The following SBK2 variants were observed in gnomAD, a reference collection of about 807,000 sequenced individuals.
SBK2 encodes the protein serine/threonine-protein kinase SBK2.
SBK2 carries 18 observed loss-of-function variants against 15.9 expected under a neutral mutation model. The ratio of observed to expected loss-of-function variants is 1.13; its 90% CI spans 0.78 to 1.68. The LOEUF is 1.68. Ranked by LOEUF, SBK2 falls within the 40% of genes most tolerant of loss-of-function variation. The pLI, the probability that SBK2 is intolerant of heterozygous loss-of-function variation, is 0.00. For missense variants in SBK2, 581 were observed against 510.9 expected (o/e 1.14, Z -1.32); for synonymous variants, 284 against 246.8 (o/e 1.15, Z -1.41).
Position 55,529,928 on chromosome 19 carries a change from GC to G in SBK2, c.851del (p.Gly284AlafsTer35). 1 of 1,529,958 alleles carries G rather than the reference GC, an allele frequency of 6.5e-7. No individual in the cohort carries two copies. Among genetic ancestry groups the G allele is most frequent in the Non-Finnish European group, 8.8e-7 (1 of 1,141,716 alleles). The allele number at this position is 1,529,958 out of a possible 1,614,324, so 94.8% of individuals were successfully genotyped here. A position where few individuals can be genotyped will look rare whatever the true frequency, so the allele number is the denominator to read the frequency against. The stretch of plus-strand genomic sequence containing the variant: ...AGGGCTGAGGGCGGTCCCGGGGCTG[GC>G]CCGACGCCTGCCAGATGAGGAAGTC... The part of the protein sequence containing the change: ...YEDFLIWQAS[G>X]QPRDRPQPWF... On this transcript the variant is annotated frameshift_variant, in exon 4 of 4. Coordinates refer to ENST00000413299, the MANE Select transcript of SBK2 (RefSeq NM_001370096.2). LOFTEE classifies it low-confidence loss of function (END_TRUNC).
At position 55,529,635 on chromosome 19, in the gene SBK2, G is replaced by GC; in HGVS notation, c.*97dup. On this transcript the variant is annotated 3_prime_UTR_variant, in exon 4 of 4. Coordinates refer to ENST00000413299, the MANE Select transcript of SBK2 (RefSeq NM_001370096.2). ...AGGAGGACGCCGAGGGGAATCCCAA[G>GC]CCCCATGGATGAAAACACACCGAGG... 6.9e-7 allele frequency: 1 copy of GC among 1,457,100 alleles called. No individual in the cohort carries two copies. Among genetic ancestry groups the GC allele is most frequent in the South Asian group, 1.4e-5 (1 of 73,748 alleles). 90.3% of individuals were successfully genotyped at this position (1,457,100 alleles called of 1,614,324 possible).
intron 1 of SBK2, among the ~76,000 whole-genome samples, chr19:55,536,548 TA>T (rs1988411596): frequency 6.7e-6 from 1 of 150,314 alleles, no homozygotes; most frequent in Admixed American, 6.6e-5. Flanking sequence ...ATGAACCAGA[TA>T]ACTGAGACTC....
Position 55,529,748 on chromosome 19 carries a change from CTCT to C in SBK2, c.1029_1031del (p.Glu345del). 1.2e-6 allele frequency: 2 copies of C among 1,601,486 alleles called. No individual in the cohort carries two copies. Among genetic ancestry groups the C allele is most frequent in the Non-Finnish European group, 1.7e-6 (2 of 1,179,616 alleles). ...CGGGGCCTCCTCACTGCCCAGCCTC[CTCT>C]TCCACCGCTCCCACTGCCTCCGCCT... is the stretch of plus-strand genomic sequence containing the variant. On this transcript the variant is annotated inframe_deletion, in exon 4 of 4. Transcript: ENST00000413299.
chr19:55,530,348 A>G, intron 3 of SBK2, 25 bp from the exon 4 acceptor site: 2 of 1,396,356 alleles, frequency 1.4e-6, no homozygotes, highest in Non-Finnish European at 1.9e-6. Flanking sequence ...GTCAGGGCCC[A>G]GTGCCCCGGG....
chr19:55,535,120 C>T (rs1192971357), intron 2 of SBK2, among the ~76,000 whole-genome samples: 1 of 152,134 alleles, frequency 6.6e-6, no homozygotes, highest in East Asian at 1.9e-4. Context: ...ACTTTTTCTG[C>T]ATTCATGCTA....
intron 1 of SBK2, among the ~76,000 whole-genome samples, chr19:55,536,673 C>G (rs958349903): frequency 6.6e-6 from 1 of 151,980 alleles, no homozygotes; most frequent in Non-Finnish European, 1.5e-5. Context: ...GCGGGCTGTG[C>G]AGAGGGCCTG....
intron 2 of SBK2, among the ~76,000 whole-genome samples, chr19:55,532,224 T>C (rs1436495458): frequency 1.3e-5 from 2 of 151,652 alleles, no homozygotes; most frequent in Non-Finnish European, 2.9e-5. Context: ...CAATTAGGAA[T>C]TGTGGATTTT....
intron 2 of SBK2, 96 bp downstream of exon 2, chr19:55,535,946 T>C (rs1205609929): frequency 2.5e-6 from 3 of 1,220,200 alleles, no homozygotes; most frequent in Non-Finnish European, 3.3e-6. Flanking sequence ...AGGTAAGACT[T>C]GATTCAGGCC....
In SBK2 at chr19:55,529,824, A is replaced by G. The variant is rs1351654751; in HGVS notation, c.956T>C (p.Ile319Thr). ...GCGCCCCAGGTGCTCCCTGATGGCG[A>G]TCACAGCGCTCCTCCTTCGGGGGTG... ...DPHPRRRSAV[I>T]AIREHLGRPW... Residue 319 changes from isoleucine to threonine, a missense_variant, in exon 4 of 4, where the codon ATC (isoleucine) becomes ACC (threonine). Physicochemically the swap from Ile to Thr is moderately conservative, Grantham distance 89. Transcript: ENST00000413299. 1 of 1,604,330 alleles carries G rather than the reference A, an allele frequency of 6.2e-7. No homozygotes were observed. The highest frequency in any genetic ancestry group is 8.5e-7 in the Non-Finnish European group (1 of 1,179,472).
intron 2 of SBK2, among the ~76,000 whole-genome samples, chr19:55,533,039 C>T (rs1369441833): frequency 1.3e-5 from 2 of 152,104 alleles, no homozygotes; most frequent in African/African-American, 4.8e-5. Context: ...GGATAAATTC[C>T]CTCCTTATTG....
intron 2 of SBK2, among the ~76,000 whole-genome samples, chr19:55,532,601 CTTTT>C (rs10682612): frequency 6.2e-5 from 8 of 128,368 alleles, no homozygotes; most frequent in Non-Finnish European, 9.5e-5. Context: ...TACACCCGCC[CTTTT>C]TTTTTTTTTT....
intron 2 of SBK2, among the ~76,000 whole-genome samples, chr19:55,532,550 C>T (rs909963425): frequency 6.6e-6 from 1 of 151,112 alleles, no homozygotes; most frequent in South Asian, 2.1e-4. Flanking sequence ...TGATGACCCA[C>T]CTCAGCCTCC....
At chr19:55,534,704 C>A (rs868773586) in intron 2 of SBK2, among the ~76,000 whole-genome samples, 184 of 82,530 alleles carry the variant, frequency 2.2e-3, no homozygotes, top group East Asian at 3.6e-3. Context: ...GACCCTGTCT[C>A]AAAAAAAAAA....
intron 2 of SBK2, among the ~76,000 whole-genome samples, chr19:55,533,216 A>G (rs1988313252): frequency 6.6e-6 from 1 of 151,992 alleles, no homozygotes. Context: ...CTGTAATCCC[A>G]GCTACTCGGA....
intron 2 of SBK2, among the ~76,000 whole-genome samples, chr19:55,534,306 C>T (rs962999839): frequency 3.3e-5 from 5 of 152,120 alleles, no homozygotes; most frequent in Non-Finnish European, 5.9e-5. Context: ...CATGTGAGGA[C>T]ACAGGGAGAA....
Position 55,529,852 on chromosome 19 carries a change from G to A in SBK2, c.928C>T (p.Pro310Ser). Reference protein sequence around the residue: ...ADALLRGLLDPHPRRRSAVIA... With the variant: ...ADALLRGLLDSHPRRRSAVIA... ...ACAGCGCTCCTCCTTCGGGGGTGAG[G>A]GTCCAGCAGCCCCCGCAGAAGCGCG... Residue 310 changes from proline to serine, a missense_variant, in exon 4 of 4, where the codon CCT becomes TCT. Pro to Ser is a moderately conservative substitution (Grantham distance 74, BLOSUM62 -1). Coordinates refer to ENST00000413299, the MANE Select transcript of SBK2 (RefSeq NM_001370096.2). The A allele has an allele frequency of 6.2e-7, 1 of 1,602,300 alleles. No homozygotes were observed. Among genetic ancestry groups the A allele is most frequent in the Non-Finnish European group, 8.5e-7 (1 of 1,178,104 alleles).
Position 55,529,946 on chromosome 19 carries a change from G to A in SBK2, c.834C>T (p.Leu278=). The A allele has an allele frequency of 6.5e-7, 1 of 1,531,294 alleles. No homozygotes were observed. Among genetic ancestry groups the A allele is most frequent in the South Asian group, 1.2e-5 (1 of 81,814 alleles). The allele number at this position is 1,531,294 out of a possible 1,614,324, so 94.9% of individuals were successfully genotyped here. Residue 278 remains leucine (L), a synonymous_variant, in exon 4 of 4, where the codon CTC becomes CTT. Coordinates refer to ENST00000413299, the MANE Select transcript of SBK2 (RefSeq NM_001370096.2). ...GGGGCTGGCCCGACGCCTGCCAGAT[G>A]AGGAAGTCCTCGTAGAAGGGGTCGG... ...AEADPFYEDF[L]IWQASGQPRD... is the part of the protein sequence containing the mutation.
Position 55,531,270 on chromosome 19 carries a change from C to G in SBK2, c.329G>C (p.Gly110Ala). 2 of 1,613,742 alleles carry G rather than the reference C, an allele frequency of 1.2e-6. No individual in the cohort carries two copies. The highest frequency in any genetic ancestry group is 1.7e-6 in the Non-Finnish European group (2 of 1,179,926). The change falls in exon 3 of 4, where the codon GGG becomes GCG. Residue 110 changes from glycine to alanine, a missense_variant. Physicochemically the swap from Gly to Ala is moderately conservative, Grantham distance 60. Transcript: ENST00000413299. ...LRGFLYEFCVGLSLGAHSAIV... is the reference protein window; with the variant it reads ...LRGFLYEFCVALSLGAHSAIV... ...GGCTGAGTGCGCGCCCAGCGAGAGC[C>G]CCACACAGAACTCGTACAGGAAGCC...
chr19:55,530,503 G>GA (rs1300787846), intron 3 of SBK2, among the ~76,000 whole-genome samples, 180 bp from the exon 4 acceptor site: 43 of 8,168 alleles, frequency 5.3e-3, no homozygotes, highest in Non-Finnish European at 0.014. Context: ...ACCCCGTGAG[G>GA]CCTAGTGTGA....
Sources: gnomAD v4.1 joint callset for allele counts (sites outside exome capture counted in the v4.1 genomes callset) on GRCh38, gnomAD v4.1.1 for gene constraint, MANE v1.5 for transcripts, NCBI Gene and HGNC (gene_info 2026-07-23, HGNC 2026-07-21) for gene names.